RNF145: variants seen among roughly 807,000 people sequenced by gnomAD.
RNF145 encodes the protein ring finger protein 145.
Under a neutral mutation model 57.3 loss-of-function variants are expected in RNF145, and 12 were observed. That is an observed-to-expected ratio of 0.21 (90% CI 0.13 to 0.34). RNF145 has a LOEUF of 0.34. Among genes scored for constraint, RNF145 ranks in the 10% least tolerant of loss-of-function variants. The pLI is 1.00. For synonymous variants in RNF145, 262 were observed against 288.3 expected (o/e 0.91, Z 0.92); for missense variants, 429 against 799.0 (o/e 0.54, Z 5.58).
intron 1 of RNF145, among the ~76,000 whole-genome samples, chr5:159,204,386 TG>T (rs77638467): frequency 0.17 from 24,196 of 141,756 alleles, 2,019 homozygotes; most frequent in South Asian, 0.22. Context: ...TGATAAGTAG[TG>T]GGGGGGGGCA....
intron 4 of RNF145, 113 bp downstream of exon 4, chr5:159,181,847 C>A: frequency 4.7e-6 from 3 of 637,710 alleles, no homozygotes; most frequent in Admixed American, 2.5e-5. Context: ...GAAAAGTCCC[C>A]ATGAATCACT....
intron 3 of RNF145, among the ~76,000 whole-genome samples, chr5:159,187,586 C>T (rs1030862518): frequency 6.6e-6 from 1 of 152,088 alleles, no homozygotes; most frequent in African/African-American, 2.4e-5. Flanking sequence ...CTCAGCCTCC[C>T]AAAGTGCTGG....
chr5:159,209,715 A>C (rs1339053186), upstream of RNF145: 1 of 1,089,682 alleles, frequency 9.2e-7, no homozygotes, highest in Non-Finnish European at 1.3e-6. Flanking sequence ...AGCCAAGCCC[A>C]TACAGCCCGG....
At chr5:159,208,202 C>A (rs1785969650) in intron 1 of RNF145, 1 of 1,330,166 alleles carries the variant, frequency 7.5e-7, no homozygotes, top group Non-Finnish European at 9.7e-7. Context: ...GCAGGCAGCG[C>A]AGCAGCAGTA....
chr5:159,198,256 TAAATAAA>T (rs1192234643), intron 2 of RNF145, among the ~76,000 whole-genome samples: 1 of 150,356 alleles, frequency 6.7e-6, no homozygotes, highest in African/African-American at 2.4e-5. Flanking sequence ...AATAAATAAA[TAAATAAA>T]TAAATAAATA....
At chr5:159,170,012 T>G (rs887878762) in intron 6 of RNF145, among the ~76,000 whole-genome samples, 193 bp from the exon 7 acceptor site, 13 of 152,208 alleles carry the variant, frequency 8.5e-5, no homozygotes, top group Non-Finnish European at 5.9e-5. Flanking sequence ...AACCCACATT[T>G]TTCTATCTCA....
chr5:159,187,418 T>C (rs979300184), intron 3 of RNF145, among the ~76,000 whole-genome samples: 3 of 151,798 alleles, frequency 2.0e-5, no homozygotes, highest in African/African-American at 7.3e-5. Context: ...ACCTCTGCCT[T>C]CCAGGTTCAA....
At chr5:159,201,858 C>T (rs1785680017) in intron 2 of RNF145, among the ~76,000 whole-genome samples, 1 of 152,076 alleles carries the variant, frequency 6.6e-6, no homozygotes, top group African/African-American at 2.4e-5. Flanking sequence ...TCATTAAATA[C>T]TTTTTATGCT....
intron 1 of RNF145, among the ~76,000 whole-genome samples, chr5:159,203,864 T>C (rs1299783734): frequency 6.6e-6 from 1 of 152,188 alleles, no homozygotes; most frequent in African/African-American, 2.4e-5. Context: ...TTCTGTCCAA[T>C]CTTATAATTC....
At chr5:159,195,431 T>C (rs775964856) in intron 2 of RNF145, among the ~76,000 whole-genome samples, 7 of 152,226 alleles carry the variant, frequency 4.6e-5, no homozygotes, top group Admixed American at 6.5e-5. Context: ...TGCCTCTATT[T>C]TCTAAGCATC....
At chr5:159,169,172 T>G (rs1784471227) in intron 7 of RNF145, 117 bp from the exon 8 acceptor site, 1 of 815,770 alleles carries the variant, frequency 1.2e-6, no homozygotes. Context: ...CTATTCTGAC[T>G]TAATCCAGAC....
intron 3 of RNF145, among the ~76,000 whole-genome samples, chr5:159,192,718 C>G (rs1034938931): frequency 6.6e-6 from 1 of 152,144 alleles, no homozygotes; most frequent in Non-Finnish European, 1.5e-5. Flanking sequence ...TTTATTACCA[C>G]TTTAATGTGA....
chr5:159,168,084 G>A (rs1207428431), intron 8 of RNF145, among the ~76,000 whole-genome samples: 1 of 152,054 alleles, frequency 6.6e-6, no homozygotes, highest in Non-Finnish European at 1.5e-5. Flanking sequence ...GAATTTCCTT[G>A]TATCAACTAC....
chr5:159,207,539 C>A lies in RNF145; in HGVS notation c.-40+1692G>T, dbSNP rs1052343032. 1.9e-6 allele frequency: 3 copies of A among 1,574,584 alleles called. No homozygotes were observed. In the African/African-American group the frequency reaches 4.1e-5, roughly 21 times the overall value. Reference sequence around the variant, plus strand: ...AATTCTACCATCAACTAAAACTGATCTTAAGAAAAGTAAATTTTCGGGCTG... The same window carrying A: ...AATTCTACCATCAACTAAAACTGATATTAAGAAAAGTAAATTTTCGGGCTG... On this transcript the variant is annotated intron_variant, in intron 1 of 10. Coordinates refer to ENST00000424310, the MANE Select transcript of RNF145 (RefSeq NM_001199383.2).
intron 2 of RNF145, among the ~76,000 whole-genome samples, chr5:159,200,696 T>G (rs775267420): frequency 1.3e-5 from 2 of 152,070 alleles, no homozygotes; most frequent in Non-Finnish European, 2.9e-5. Context: ...AATCACTGAG[T>G]TGAAACTGGA....
chr5:159,208,169 AACCCCAACCCAG>A (rs1785966993), intron 1 of RNF145: 1 of 1,386,168 alleles, frequency 7.2e-7, no homozygotes, highest in Non-Finnish European at 9.3e-7. Flanking sequence ...GAACTACAGT[AACCCCAACCCAG>A]CTCGCGGCAA....
chr5:159,159,647 G>A (rs768236139), intron 10 of RNF145, among the ~76,000 whole-genome samples: 17 of 152,150 alleles, frequency 1.1e-4, no homozygotes, highest in South Asian at 6.2e-4. Flanking sequence ...AAGACCTACT[G>A]AAGTGGGATA....
intron 3 of RNF145, among the ~76,000 whole-genome samples, chr5:159,188,753 C>A (rs1454018044): frequency 1.3e-5 from 2 of 152,122 alleles, no homozygotes; most frequent in Middle Eastern, 3.2e-3. Context: ...AAACTGCAAG[C>A]TATATCCATT....
intron 2 of RNF145, 111 bp from the exon 3 acceptor site, chr5:159,194,935 G>A (rs1675089105): frequency 2.7e-6 from 2 of 733,406 alleles, no homozygotes; most frequent in Admixed American, 6.2e-5. Context: ...AGTACTTTCT[G>A]AGGTTTTTTA....
Sources: gnomAD v4.1 joint callset for allele counts (sites outside exome capture counted in the v4.1 genomes callset) on GRCh38, gnomAD v4.1.1 for gene constraint, MANE v1.5 for transcripts, NCBI Gene and HGNC (gene_info 2026-07-23, HGNC 2026-07-21) for gene names.